SCUBE2: variants seen among roughly 807,000 people sequenced by gnomAD.
SCUBE2 encodes the protein signal peptide, CUB and EGF-like domain-containing protein 2.
Under a neutral mutation model 125.9 loss-of-function variants are expected in SCUBE2, and 114 were observed. The ratio of observed to expected loss-of-function variants is 0.91; its 90% CI spans 0.78 to 1.06. SCUBE2 has a LOEUF of 1.06. Ranked by LOEUF, SCUBE2 falls within the 50% of genes least tolerant of loss-of-function variation. The pLI is 0.00. For synonymous variants in SCUBE2, 459 were observed against 492.9 expected (o/e 0.93, Z 0.91); for missense variants, 1,255 against 1,301.8 (o/e 0.96, Z 0.55).
At chr11:9,066,556 G>A in intron 6 of SCUBE2, 141 bp downstream of exon 6, 1 of 683,872 alleles carries the variant, frequency 1.5e-6, no homozygotes, top group Non-Finnish European at 2.6e-6. Context: ...TCCCACTGTA[G>A]CATGCGAAGC....
intron 14 of SCUBE2, 172 bp downstream of exon 14, chr11:9,050,434 C>G (rs1376160056): frequency 1.6e-6 from 1 of 612,440 alleles, no homozygotes; most frequent in Admixed American, 2.7e-5. Context: ...CTAGGTTATG[C>G]TCTTCTTCCT....
chr11:9,080,174 T>C (rs1861525072), intron 2 of SCUBE2, among the ~76,000 whole-genome samples: 1 of 152,208 alleles, frequency 6.6e-6, no homozygotes, highest in African/African-American at 2.4e-5. Context: ...ACAAAAGTGC[T>C]AAGGTAATCC....
chr11:9,031,426 A>T (rs1272932513), intron 17 of SCUBE2, among the ~76,000 whole-genome samples: 2 of 152,204 alleles, frequency 1.3e-5, no homozygotes. Context: ...TGAGCCTAGG[A>T]GCTCAAGACC....
intron 4 of SCUBE2, among the ~76,000 whole-genome samples, chr11:9,071,351 C>T (rs1382769107): frequency 6.6e-6 from 1 of 152,180 alleles, no homozygotes; most frequent in Non-Finnish European, 1.5e-5. Flanking sequence ...ATGCCAGATG[C>T]CATTGTGATA....
Position 9,058,540 on chromosome 11 carries a change from GAGCCAAGATA to G in SCUBE2, c.1090+753_1090+762del, listed in dbSNP as rs537384750. ...GAACCTGGGAGGCGGAGGTTGCAGT[GAGCCAAGATA>G]GCTCCACTGCACTCCAGCCTGGGTG... On this transcript the variant is annotated intron_variant, in intron 9 of 22. Coordinates refer to ENST00000649792, the MANE Select transcript of SCUBE2 (RefSeq NM_001367977.2). Among the ~76,000 whole-genome samples the G allele has an allele frequency of 4.8e-4, 66 of 136,716 alleles. No homozygotes were observed. In the East Asian group the frequency reaches 0.014, roughly 30 times the overall value. 89.7% of individuals were successfully genotyped at this position (136,716 alleles called of 152,430 possible).
At chr11:9,035,128 G>T (rs1026668532) in intron 16 of SCUBE2, among the ~76,000 whole-genome samples, 2 of 152,174 alleles carry the variant, frequency 1.3e-5, no homozygotes, top group Non-Finnish European at 2.9e-5. Context: ...TGAATATGAA[G>T]CAAACATACC....
Position 9,029,908 on chromosome 11 carries a change from A to G in SCUBE2, c.2479T>C (p.Ser827Pro). 6.2e-7 allele frequency: 1 copy of G among 1,614,174 alleles called. No individual in the cohort carries two copies. The highest frequency in any genetic ancestry group is 1.1e-5 in the South Asian group (1 of 91,086). ...CTTTTACACTGGGTTATGTTTGTGG[A>G]GCCATCAAAGTCAGTCGTAGTATTT... is the stretch of plus-strand genomic sequence containing the variant. ...PGNTTTDFDGSTNITQCKNRR... is the reference protein window; with the variant it reads ...PGNTTTDFDGPTNITQCKNRR... Residue 827 changes from serine (S) to proline (P), a missense_variant, in exon 19 of 23, where the codon TCC becomes CCC. By Grantham distance (74) the Ser-to-Pro change is moderately conservative (BLOSUM62 -1). Transcript: ENST00000649792.
intron 16 of SCUBE2, among the ~76,000 whole-genome samples, chr11:9,034,180 CTAGTGCTGGAAGAACAGAGTGT>C (rs1435680920): frequency 6.6e-6 from 1 of 152,164 alleles, no homozygotes; most frequent in Non-Finnish European, 1.5e-5. Flanking sequence ...GAACATAGGT[CTAGTGCTGGAAGAACAGAGTGT>C]TATTAATTCT....
chr11:9,049,036 C>T (rs1459382859), intron 14 of SCUBE2, among the ~76,000 whole-genome samples: 1 of 152,102 alleles, frequency 6.6e-6, no homozygotes, highest in Non-Finnish European at 1.5e-5. Flanking sequence ...AAATCTTTTT[C>T]CCTTTCGATG....
At chr11:9,085,186 T>C (rs1201122175) in intron 2 of SCUBE2, among the ~76,000 whole-genome samples, 1 of 152,194 alleles carries the variant, frequency 6.6e-6, no homozygotes, top group East Asian at 1.9e-4. Context: ...TGTGGGACTT[T>C]ACTTGGATTC....
At chr11:9,079,611 A>G in intron 2 of SCUBE2, 102 bp from the exon 3 acceptor site, 2 of 1,218,106 alleles carry the variant, frequency 1.6e-6, no homozygotes, top group Non-Finnish European at 2.3e-6. Flanking sequence ...TCTACCTGAA[A>G]ATACATCCCT....
Position 9,020,070 on chromosome 11 carries a change from G to C in SCUBE2, c.*975C>G, listed in dbSNP as rs1264998393. Among the ~76,000 whole-genome samples, 3 of 152,296 alleles carry C rather than the reference G, an allele frequency of 2.0e-5. No homozygotes were observed. The highest frequency in any genetic ancestry group is 3.4e-3 in the Middle Eastern group (1 of 294). On this transcript the variant is annotated 3_prime_UTR_variant, in exon 23 of 23. Transcript: ENST00000649792. ...AGCAGAGTCCGTCTCTCACATTTGA[G>C]ACTGGGGAAGGAAGGCATACATGAC...
intron 17 of SCUBE2, chr11:9,031,337 T>TAAAG (rs1174655026): frequency 6.5e-6 from 1 of 154,120 alleles, no homozygotes; most frequent in African/African-American, 2.4e-5. Flanking sequence ...CCTATTGATA[T>TAAAG]AAAGAGTGAT....
rs751859902 is a variant in SCUBE2 at position 9,069,492 on chromosome 11, C to A, written c.521G>T (p.Gly174Val). The A allele has an allele frequency of 1.2e-6, 2 of 1,614,170 alleles. No individual in the cohort carries two copies. The highest frequency in any genetic ancestry group is 2.2e-5 in the East Asian group (1 of 44,888). ...GTGATCCTTATTCATGCAGCTCAGGCCCTCTGAAAAACAGCAGTGTGCGAC... is the reference window on the plus strand; with the variant it reads ...GTGATCCTTATTCATGCAGCTCAGGACCTCTGAAAAACAGCAGTGTGCGAC... ...QHTCIHRSEE[G>V]LSCMNKDHGC... The change falls in exon 5 of 23, where the codon GGC becomes GTC. Residue 174 changes from glycine to valine, a missense_variant. This residue lies in a region of SCUBE2 where 362 missense variants were observed against 323.0 expected (regional missense o/e 1.12). Coordinates refer to ENST00000649792, the MANE Select transcript of SCUBE2 (RefSeq NM_001367977.2).
intron 1 of SCUBE2, among the ~76,000 whole-genome samples, chr11:9,090,754 T>C (rs1248353452): frequency 6.6e-6 from 1 of 152,034 alleles, no homozygotes; most frequent in East Asian, 1.9e-4. Context: ...TTGGCAGAAG[T>C]ATTTCCTGGG....
At chr11:9,027,251 G>T in intron 20 of SCUBE2, 113 bp downstream of exon 20, 2 of 953,894 alleles carry the variant, frequency 2.1e-6, no homozygotes, top group Non-Finnish European at 3.2e-6. Flanking sequence ...GTTCACCTCT[G>T]CTCTAATATG....
intron 17 of SCUBE2, among the ~76,000 whole-genome samples, chr11:9,033,364 A>G (rs1354163502): frequency 6.6e-6 from 1 of 152,230 alleles, no homozygotes; most frequent in Non-Finnish European, 1.5e-5. Context: ...TCCAGTGAAG[A>G]AAGCACGCAG....
Position 9,021,739 on chromosome 11 carries a change from G to T in SCUBE2, c.2934+137C>A, listed in dbSNP as rs893396516. ...TTTTTTAAAAATTAAGTCTGGTGAA[G>T]GTATAAAACTGACCTTGGCCCAGGA... On this transcript the variant is annotated intron_variant, in intron 22 of 22. Transcript: ENST00000649792. 7 of 558,336 alleles carry T rather than the reference G, an allele frequency of 1.3e-5. No individual in the cohort carries two copies. The East Asian group carries it at 1.9e-4, about 15-fold the overall frequency. The allele number at this position is 558,336 out of a possible 1,614,324, so 34.6% of individuals were successfully genotyped here. A position where few individuals can be genotyped will look rare whatever the true frequency, so the allele number is the denominator to read the frequency against.
At chr11:9,057,868 A>C (rs969036345) in intron 9 of SCUBE2, among the ~76,000 whole-genome samples, 9 of 152,148 alleles carry the variant, frequency 5.9e-5, no homozygotes, top group African/African-American at 2.2e-4. Context: ...ATTAGTCCTT[A>C]TTCCCAAAAA....
Sources: allele counts gnomAD v4.1 joint callset (sites outside exome capture counted in the v4.1 genomes callset), GRCh38; gene constraint gnomAD v4.1.1; regional missense constraint gnomAD v4.1.1; transcripts MANE v1.5; gene names NCBI Gene and HGNC (gene_info 2026-07-23, HGNC 2026-07-21).